Variants in TBC1D22A observed in about 807,000 individuals in gnomAD.
The protein encoded by TBC1D22A is TBC1 domain family member 22A.
In TBC1D22A, 38 loss-of-function variants were observed where a neutral mutation model predicts 60.2. The observed-to-expected ratio is 0.63, with a 90% CI of 0.49 to 0.83. TBC1D22A has a LOEUF of 0.83. Ranked by LOEUF, TBC1D22A falls within the 40% of genes least tolerant of loss-of-function variation. The probability of loss-of-function intolerance (pLI) is 0.00; values close to 1 mark genes in which losing one functional copy is unlikely to be tolerated. For missense variants in TBC1D22A, 628 were observed against 701.0 expected (o/e 0.90, Z 1.18); for synonymous variants, 302 against 281.7 (o/e 1.07, Z -0.72).
intron 7 of TBC1D22A, among the ~76,000 whole-genome samples, chr22:46,896,417 G>T (rs1056733866): frequency 3.3e-5 from 5 of 152,076 alleles, no homozygotes; most frequent in African/African-American, 1.2e-4. Context: ...GTTATCTAAA[G>T]AACTTTTTTC....
chr22:46,786,979 C>G (rs1326777425), intron 1 of TBC1D22A, among the ~76,000 whole-genome samples: 1 of 152,158 alleles, frequency 6.6e-6, no homozygotes, highest in Non-Finnish European at 1.5e-5. Flanking sequence ...AGCCAGTGTG[C>G]CCGGCCTCTA....
intron 5 of TBC1D22A, among the ~76,000 whole-genome samples, chr22:46,882,515 C>T (rs903746488): frequency 6.6e-6 from 1 of 152,138 alleles, no homozygotes; most frequent in Non-Finnish European, 1.5e-5. Context: ...ATGCGCTATG[C>T]CCGCCACTGC....
At chr22:47,118,545 T>G (rs1348435840) in intron 12 of TBC1D22A, among the ~76,000 whole-genome samples, 3 of 152,046 alleles carry the variant, frequency 2.0e-5, no homozygotes, top group Non-Finnish European at 2.9e-5. Flanking sequence ...TTAAAACAAG[T>G]AAACTAAGCC....
Position 47,173,783 on chromosome 22 carries a change from G to T in TBC1D22A, c.*157G>T. On this transcript the variant is annotated 3_prime_UTR_variant, in exon 13 of 13. Transcript: ENST00000337137. ...GCTGGTGAAGATGGGCCACAGACCT[G>T]GTCTAGGGCTGACAAAGACAGGGAC... is the stretch of plus-strand genomic sequence containing the variant. 1 of 1,151,654 alleles carries T rather than the reference G, an allele frequency of 8.7e-7. No individual in the cohort carries two copies. The highest frequency in any genetic ancestry group is 1.5e-5 in the South Asian group (1 of 66,262). The allele number at this position is 1,151,654 out of a possible 1,614,324, so 71.3% of individuals were successfully genotyped here.
At chr22:47,061,458 G>A (rs912782731) in intron 11 of TBC1D22A, among the ~76,000 whole-genome samples, 1 of 152,072 alleles carries the variant, frequency 6.6e-6, no homozygotes, top group African/African-American at 2.4e-5. Context: ...CTCGTCCTCA[G>A]CCACCAGCAC....
chr22:46,940,023 C>T (rs75030064), intron 8 of TBC1D22A, among the ~76,000 whole-genome samples: 2,222 of 152,310 alleles, frequency 0.015, 46 homozygotes, highest in African/African-American at 0.05. Context: ...TTCCAGACAA[C>T]TGCAAGAAAG....
chr22:47,071,918 A>G (rs1358773689), intron 11 of TBC1D22A, among the ~76,000 whole-genome samples: 4 of 152,196 alleles, frequency 2.6e-5, no homozygotes, highest in South Asian at 2.1e-4. Flanking sequence ...GGGCTCAGTC[A>G]TGGCCTCTCC....
intron 11 of TBC1D22A, among the ~76,000 whole-genome samples, chr22:47,041,464 G>C (rs1276768898): frequency 6.6e-6 from 1 of 152,240 alleles, no homozygotes; most frequent in Non-Finnish European, 1.5e-5. Context: ...GCTGCGGAGG[G>C]ACTGGAGTGT....
intron 11 of TBC1D22A, among the ~76,000 whole-genome samples, chr22:47,095,151 A>G (rs2065124276): frequency 6.6e-6 from 1 of 152,268 alleles, no homozygotes; most frequent in Admixed American, 6.5e-5. Flanking sequence ...TAATTGTGAA[A>G]CACAGTGGTC....
intron 7 of TBC1D22A, among the ~76,000 whole-genome samples, chr22:46,901,456 C>T (rs541172023): frequency 6.6e-6 from 1 of 152,318 alleles, no homozygotes; most frequent in African/African-American, 2.4e-5. Flanking sequence ...GTTAAGACAC[C>T]TGACGTGGGC....
At chr22:47,015,257 A>G (rs1246832408) in intron 10 of TBC1D22A, among the ~76,000 whole-genome samples, 1 of 152,188 alleles carries the variant, frequency 6.6e-6, no homozygotes, top group Admixed American at 6.5e-5. Context: ...TTCCTGGCGC[A>G]GGTGCCTGGG....
At chr22:46,976,756 G>C (rs1438978176) in intron 9 of TBC1D22A, among the ~76,000 whole-genome samples, 1 of 152,152 alleles carries the variant, frequency 6.6e-6, no homozygotes, top group Non-Finnish European at 1.5e-5. Flanking sequence ...CTGAAGTGCA[G>C]GCTCTCAGCC....
At chr22:47,015,410 T>C (rs899773919) in intron 10 of TBC1D22A, among the ~76,000 whole-genome samples, 2 of 152,224 alleles carry the variant, frequency 1.3e-5, no homozygotes, top group African/African-American at 4.8e-5. Context: ...GACTGAATTA[T>C]AGAGGTGTGA....
At chr22:46,837,860 A>G (rs1437646128) in intron 4 of TBC1D22A, among the ~76,000 whole-genome samples, 2 of 152,204 alleles carry the variant, frequency 1.3e-5, no homozygotes, top group Non-Finnish European at 2.9e-5. Context: ...CAGGAGTTCA[A>G]GACCAGCCTG....
chr22:47,088,897 A>G (rs2147603883), intron 11 of TBC1D22A, among the ~76,000 whole-genome samples: 1 of 152,292 alleles, frequency 6.6e-6, no homozygotes, highest in East Asian at 1.9e-4. Flanking sequence ...TCGCACACAC[A>G]CAGATCCCAT....
intron 8 of TBC1D22A, among the ~76,000 whole-genome samples, chr22:46,963,143 C>G (rs188732720): frequency 3.3e-5 from 5 of 150,734 alleles, no homozygotes; most frequent in Admixed American, 3.3e-4. Context: ...ATGGCATGAA[C>G]TTGGGAGGTG....
At chr22:47,106,442 G>C (rs141323951) in intron 11 of TBC1D22A, among the ~76,000 whole-genome samples, 1 of 152,334 alleles carries the variant, frequency 6.6e-6, no homozygotes. Flanking sequence ...ATGACAAATA[G>C]ATTGATAGCA....
At chr22:46,878,862 C>T in intron 5 of TBC1D22A, 139 bp downstream of exon 5, 2 of 632,998 alleles carry the variant, frequency 3.2e-6, no homozygotes, top group East Asian at 2.7e-5. Flanking sequence ...TTTGCTATGG[C>T]TAAGCTGACA....
rs1382283292 is a variant in TBC1D22A, at chr22:47,175,176, G to A, written c.*1550G>A. 1 of 152,286 alleles carries A rather than the reference G, an allele frequency of 6.6e-6. No individual in the cohort carries two copies. Among genetic ancestry groups the A allele is most frequent in the African/African-American group, 2.4e-5 (1 of 41,446 alleles). 9.4% of individuals were successfully genotyped at this position (152,286 alleles called of 1,614,324 possible). ...GTCATTACACACAGCATGGAAATTA[G>A]CACAAAATGCTGTGCAAACGTCAGA... On this transcript the variant is annotated 3_prime_UTR_variant, in exon 13 of 13. Transcript: ENST00000337137.
Sources: gnomAD v4.1 joint callset for allele counts (sites outside exome capture counted in the v4.1 genomes callset) on GRCh38, gnomAD v4.1.1 for gene constraint, MANE v1.5 for transcripts, NCBI Gene and HGNC (gene_info 2026-07-23, HGNC 2026-07-21) for gene names.